Variants in ANK1 observed in about 807,000 individuals in gnomAD.
ANK1 encodes ankyrin 1, also known as ankyrin-1.
In ANK1, 51 loss-of-function variants were observed where a neutral mutation model predicts 210.4. The observed-to-expected ratio is 0.24, with a 90% confidence interval of 0.19 to 0.31. The LOEUF is 0.31. Ranked by LOEUF, ANK1 falls within the 10% of genes least tolerant of loss-of-function variation. The pLI is 1.00. For synonymous variants in ANK1, 967 were observed against 1,025.9 expected, an observed-to-expected ratio of 0.94 and a Z score of 1.10; for missense variants, 2,051 against 2,504.4, an observed-to-expected ratio of 0.82 and a Z score of 3.86.
In ANK1 at chr8:41,693,840, T is replaced by C. The variant is rs1391161592; in HGVS notation, c.3532+58A>G. The C allele has an allele frequency of 2.6e-6, 4 of 1,540,964 alleles. No individual in the cohort carries two copies. The South Asian group carries it at 4.7e-5, about 18-fold the overall frequency. On this transcript the variant is annotated intron_variant, in intron 29 of 42. Coordinates refer to ENST00000289734, the MANE Select transcript of ANK1 (RefSeq NM_000037.4). ...TCGCCTTCTCGAGTCACCCCCCTAC[T>C]GTGTTCCAGACGCACTGCAGCAGCC...
At position 41,866,033 on chromosome 8, in the gene ANK1, G is replaced by A. The variant is rs890503054; in HGVS notation, c.126+30322C>T. ...CCTCTCCACCATGACACTGGCCTCC[G>A]CCAGACCCTAGAGGAACTATGCACA... On this transcript the variant is annotated intron_variant, in intron 1 of 42. Transcript: ENST00000265709. Among the ~76,000 whole-genome samples, 12 of 152,168 alleles carry A rather than the reference G, an allele frequency of 7.9e-5. No individual in the cohort carries two copies. In the South Asian group the frequency reaches 1.2e-3, roughly 16 times the overall value.
chr8:41,825,877 G>A (rs1805287004), intron 1 of ANK1, among the ~76,000 whole-genome samples: 1 of 152,134 alleles, frequency 6.6e-6, no homozygotes, highest in South Asian at 2.1e-4. Flanking sequence ...ATGTGCCTTT[G>A]CTCTCCTTTG....
intron 1 of ANK1, among the ~76,000 whole-genome samples, chr8:41,760,307 T>C (rs1396467946): frequency 1.3e-5 from 2 of 152,156 alleles, no homozygotes; most frequent in Non-Finnish European, 2.9e-5. Flanking sequence ...CCCATGCTGT[T>C]CCCATGAAAG....
intron 2 of ANK1, among the ~76,000 whole-genome samples, chr8:41,754,077 A>G (rs988098574): frequency 6.6e-6 from 1 of 152,128 alleles, no homozygotes; most frequent in Admixed American, 6.5e-5. Context: ...TTTGGTATGC[A>G]TATCTGTTTG....
At chr8:41,762,275 GC>G (rs769589374) in intron 1 of ANK1, among the ~76,000 whole-genome samples, 10 of 152,046 alleles carry the variant, frequency 6.6e-5, no homozygotes, top group Non-Finnish European at 1.2e-4. Flanking sequence ...TCCCTTCAAG[GC>G]CCTGATGGTG....
intron 38 of ANK1, among the ~76,000 whole-genome samples, chr8:41,669,740 G>A (rs923439753): frequency 1.3e-5 from 2 of 152,096 alleles, no homozygotes; most frequent in South Asian, 2.1e-4. Context: ...CTCTCAGCAC[G>A]GCCACCGCTG....
At chr8:41,871,174 C>T (rs1815416757) in intron 1 of ANK1, among the ~76,000 whole-genome samples, 1 of 152,198 alleles carries the variant, frequency 6.6e-6, no homozygotes, top group South Asian at 2.1e-4. Context: ...TCCCATCGCC[C>T]CTGCATTGTT....
chr8:41,754,062 T>C (rs1838456194), intron 2 of ANK1, among the ~76,000 whole-genome samples: 1 of 152,232 alleles, frequency 6.6e-6, no homozygotes. Flanking sequence ...GTTCCTAACA[T>C]AGTTTTTGGT....
chr8:41,723,360 A>C, intron 8 of ANK1, 137 bp from the exon 9 acceptor site: 1 of 1,172,580 alleles, frequency 8.5e-7, no homozygotes, highest in African/African-American at 1.5e-5. Flanking sequence ...ACCTCAGCAC[A>C]GTTTTACTAT....
At chr8:41,755,318 G>A (rs927087583) in intron 2 of ANK1, among the ~76,000 whole-genome samples, 1 of 152,212 alleles carries the variant, frequency 6.6e-6, no homozygotes, top group African/African-American at 2.4e-5. Context: ...GCTATTCCCT[G>A]GTGGCATCAA....
intron 1 of ANK1, among the ~76,000 whole-genome samples, chr8:41,834,402 C>T (rs1354258085): frequency 6.6e-6 from 1 of 152,232 alleles, no homozygotes; most frequent in Non-Finnish European, 1.5e-5. Context: ...GCAAATGACG[C>T]GGCGCCCATG....
At chr8:41,661,048 T>C (rs964341086) in intron 42 of ANK1, 2 of 263,062 alleles carry the variant, frequency 7.6e-6, no homozygotes, top group African/African-American at 2.3e-5. Context: ...GGCTTTTTTT[T>C]TTCTTTTTTT....
chr8:41,711,213 C>T (rs1826025909), intron 16 of ANK1, among the ~76,000 whole-genome samples: 1 of 152,172 alleles, frequency 6.6e-6, no homozygotes, highest in South Asian at 2.1e-4. Flanking sequence ...AGCCTCCCCA[C>T]GATTAGACAC....
rs769123268 is a variant in ANK1 at position 41,727,974 on chromosome 8, T to G, written c.261A>C (p.Leu87=). The change falls in exon 4 of 43, where the codon CTA becomes CTC. Residue 87 remains leucine, a synonymous_variant. Coordinates refer to ENST00000289734, the MANE Select transcript of ANK1 (RefSeq NM_000037.4). The part of the protein sequence containing the change: ...KGNTALHIAA[L]AGQDEVVREL... The stretch of plus-strand genomic sequence containing the variant: ...CCCGGACCACCTCATCCTGCCCGGC[T>G]AGAGCAGCGATGTGCAGGGCCGTGT... The G allele has an allele frequency of 4.3e-6, 7 of 1,614,044 alleles. No individual in the cohort carries two copies. In the African/African-American group the frequency reaches 9.3e-5, roughly 22 times the overall value.
In ANK1 at chr8:41,714,988, A is replaced by G; in HGVS notation, c.1689T>C (p.Asn563=). Residue 563 remains asparagine (N), a synonymous_variant, in exon 15 of 43, where the codon AAT becomes AAC. Coordinates refer to ENST00000289734, the MANE Select transcript of ANK1 (RefSeq NM_000037.4). ...GGTTCAAACTCACTTTTCCGGCAGC[A>G]TTCGGGTGTGCGTCCCGCTCCAGCA... ...ELLLERDAHP[N]AAGKNGLTPL... 1.2e-6 allele frequency: 2 copies of G among 1,614,136 alleles called. No homozygotes were observed. Among genetic ancestry groups the G allele is most frequent in the Non-Finnish European group, 1.7e-6 (2 of 1,180,010 alleles).
intron 1 of ANK1, among the ~76,000 whole-genome samples, chr8:41,887,235 T>C (rs1440001282): frequency 7.0e-6 from 1 of 143,036 alleles, no homozygotes; most frequent in African/African-American, 2.7e-5. Flanking sequence ...TTCTTTTCTT[T>C]CCTTTCCTTT....
At position 41,672,901 on chromosome 8, in the gene ANK1, G is replaced by C; in HGVS notation, c.4549C>G (p.Leu1517Val). 6.2e-7 allele frequency: 1 copy of C among 1,601,234 alleles called. No individual in the cohort carries two copies. Residue 1517 changes from leucine to valine, a missense_variant, in exon 38 of 43, where the codon CTG becomes GTG. By Grantham distance (32) the Leu-to-Val change is conservative (BLOSUM62 1). Coordinates refer to ENST00000289734, the MANE Select transcript of ANK1 (RefSeq NM_000037.4). ...GCAGGGGACAGCAGCTCGTCCTGCAGTGAGGAGTAACCTGGATGGGCAGAC... is the reference window on the plus strand; with the variant it reads ...GCAGGGGACAGCAGCTCGTCCTGCACTGAGGAGTAACCTGGATGGGCAGAC... The part of the protein sequence containing the change: ...SPSQMNGYSS[L>V]QDELLSPASL...
intron 39 of ANK1, among the ~76,000 whole-genome samples, chr8:41,666,902 G>C (rs1445255178): frequency 6.6e-6 from 1 of 152,156 alleles, no homozygotes; most frequent in East Asian, 1.9e-4. Context: ...TGGCTCCTCT[G>C]GTCCACAGTG....
At chr8:41,725,064 G>C (rs1830328868) in intron 6 of ANK1, among the ~76,000 whole-genome samples, 1 of 152,218 alleles carries the variant, frequency 6.6e-6, no homozygotes. Flanking sequence ...GTCTCACTAT[G>C]TTGTCCAGGC....
Sources: gnomAD v4.1 joint callset for allele counts (sites outside exome capture counted in the v4.1 genomes callset) on GRCh38, gnomAD v4.1.1 for gene constraint, MANE v1.5 for transcripts, NCBI Gene and HGNC (gene_info 2026-07-23, HGNC 2026-07-21) for gene names.